The following PPP3CB variants were observed in gnomAD, a reference collection of about 807,000 sequenced individuals.
PPP3CB encodes protein phosphatase 3 catalytic subunit beta.
A neutral mutation model predicts 66.4 loss-of-function variants in PPP3CB; 8 were observed. That is an observed-to-expected ratio of 0.12 (90% CI 0.07 to 0.22). PPP3CB has a LOEUF of 0.22. PPP3CB is among the 10% of genes least tolerant of loss of function. PPP3CB has a pLI of 1.00. For synonymous variants in PPP3CB, 208 were observed against 221.2 expected, an observed-to-expected ratio of 0.94 and a Z score of 0.53; for missense variants, 319 against 642.5, an observed-to-expected ratio of 0.50 and a Z score of 5.44.
intron 8 of PPP3CB, 68 bp downstream of exon 8, chr10:73,470,619 A>C: frequency 1.0e-6 from 1 of 968,586 alleles, no homozygotes. Flanking sequence ...CCCCTTTTTT[A>C]TTATATTAAA....
At chr10:73,491,450 C>T (rs1336190553) in intron 1 of PPP3CB, among the ~76,000 whole-genome samples, 2 of 151,988 alleles carry the variant, frequency 1.3e-5, no homozygotes, top group Non-Finnish European at 2.9e-5. Flanking sequence ...CAGGCATGAA[C>T]CACTGCTGCG....
chr10:73,485,943 TG>T lies in PPP3CB; in HGVS notation c.86-6427del, dbSNP rs2056966685. 2.1e-5 allele frequency among the ~76,000 whole-genome samples: 3 copies of T among 142,366 alleles called. No homozygotes were observed. In the Admixed American group the frequency reaches 2.2e-4, roughly 10 times the overall value. The allele number at this position is 142,366 out of a possible 152,430, so 93.4% of individuals were successfully genotyped here. On this transcript the variant is annotated intron_variant, in intron 1 of 13. Transcript: ENST00000360663. ...GTGTGTGTGTGTGTGTGTGTGTGTG[TG>T]TGTGTGTATTTTTTTTTTTCAGATG...
At chr10:73,462,140 CTTTTTT>C (rs1019088638) in intron 9 of PPP3CB, among the ~76,000 whole-genome samples, 3,776 of 94,022 alleles carry the variant, frequency 0.04, 212 homozygotes, top group African/African-American at 0.13. Context: ...TAAACTCCTT[CTTTTTT>C]TTTTTTTTTT....
chr10:73,438,235 T>C lies in PPP3CB; in HGVS notation c.*7A>G, dbSNP rs370087202. ...CCGAGATGTGAGAGTCCCTGGGAAG[T>C]AGTGGGTCACTGGGCAGTATGGTTG... On this transcript the variant is annotated 3_prime_UTR_variant, in exon 14 of 14. Coordinates refer to ENST00000360663, the MANE Select transcript of PPP3CB (RefSeq NM_021132.4). The C allele has an allele frequency of 1.7e-5, 27 of 1,609,910 alleles. No individual in the cohort carries two copies. Among genetic ancestry groups the C allele is most frequent in the Middle Eastern group, 1.7e-4 (1 of 5,888 alleles).
At chr10:73,450,562 C>T (rs1046262082) in intron 10 of PPP3CB, among the ~76,000 whole-genome samples, 1 of 152,210 alleles carries the variant, frequency 6.6e-6, no homozygotes, top group African/African-American at 2.4e-5. Flanking sequence ...AGAGTCCCTA[C>T]TCCTAATACG....
rs964190761 is a variant in PPP3CB, at chr10:73,485,749, T to C, written c.86-6232A>G. On this transcript the variant is annotated intron_variant, in intron 1 of 13. Coordinates refer to ENST00000360663, the MANE Select transcript of PPP3CB (RefSeq NM_021132.4). ...AAACCCTACACACAATCTCTTTTTT[T>C]GTTGTTTTCTTGGCAGAGTCTCGCA... Among the ~76,000 whole-genome samples the C allele has an allele frequency of 4.6e-5, 7 of 152,272 alleles. No individual in the cohort carries two copies. In the East Asian group the frequency reaches 5.8e-4, roughly 13 times the overall value.
chr10:73,445,349 C>T (rs116939693), intron 11 of PPP3CB, among the ~76,000 whole-genome samples: 1,523 of 152,264 alleles, frequency 0.01, 18 homozygotes, highest in South Asian at 0.03. Context: ...TTATCACAAA[C>T]GGAAAAGAGA....
At chr10:73,480,440 A>ATTTTTTT (rs57553384) in intron 1 of PPP3CB, among the ~76,000 whole-genome samples, 1 of 123,916 alleles carries the variant, frequency 8.1e-6, no homozygotes, top group African/African-American at 3.1e-5. Context: ...TATCCCTGTA[A>ATTTTTTT]TTTTTTTTTT....
chr10:73,495,597 C>T, intron 1 of PPP3CB: 2 of 622,306 alleles, frequency 3.2e-6, no homozygotes, highest in Non-Finnish European at 4.7e-6. Context: ...ACCTCCGCCC[C>T]GGCCTGAAAG....
chr10:73,443,334 GAA>G (rs1332961784), intron 12 of PPP3CB, among the ~76,000 whole-genome samples: 1 of 120,100 alleles, frequency 8.3e-6, no homozygotes, highest in African/African-American at 2.9e-5. Context: ...GAAAGAAAAA[GAA>G]AGAGAAGAGA....
In PPP3CB at chr10:73,437,568, T is replaced by A. The variant is rs1246949037; in HGVS notation, c.*674A>T. ...TCTTCTTAAATCTCTGGGGTGTAAG[T>A]CTTAAAAGATCTGGGCAAAAAAGAC... On this transcript the variant is annotated 3_prime_UTR_variant, in exon 14 of 14. Transcript: ENST00000360663. 6.6e-6 allele frequency: 1 copy of A among 152,634 alleles called. No homozygotes were observed. Among genetic ancestry groups the A allele is most frequent in the Non-Finnish European group, 1.5e-5 (1 of 68,046 alleles). 9.5% of individuals were successfully genotyped at this position (152,634 alleles called of 1,614,324 possible).
At chr10:73,451,585 GGAA>G (rs2056344653) in intron 10 of PPP3CB, among the ~76,000 whole-genome samples, 3 of 147,982 alleles carry the variant, frequency 2.0e-5, no homozygotes, top group African/African-American at 8.0e-5. Flanking sequence ...GAAAGAGAAA[GGAA>G]GAAGGAAGGA....
At chr10:73,482,806 T>G (rs1375223027) in intron 1 of PPP3CB, among the ~76,000 whole-genome samples, 1 of 151,858 alleles carries the variant, frequency 6.6e-6, no homozygotes, top group Admixed American at 6.6e-5. Context: ...TTAGTAGAGA[T>G]AGGGTTTCAC....
At chr10:73,474,738 C>T (rs963555099) in intron 4 of PPP3CB, among the ~76,000 whole-genome samples, 181 bp downstream of exon 4, 1 of 152,118 alleles carries the variant, frequency 6.6e-6, no homozygotes, top group Non-Finnish European at 1.5e-5. Context: ...CCATGCCCCA[C>T]CAAAAACTTC....
At chr10:73,490,428 T>C (rs1002709430) in intron 1 of PPP3CB, among the ~76,000 whole-genome samples, 21 of 152,274 alleles carry the variant, frequency 1.4e-4, no homozygotes, top group African/African-American at 4.8e-4. Context: ...AGACATTTAA[T>C]AAATATTTGC....
chr10:73,493,674 A>G (rs2057114731), intron 1 of PPP3CB, among the ~76,000 whole-genome samples: 1 of 152,242 alleles, frequency 6.6e-6, no homozygotes, highest in African/African-American at 2.4e-5. Flanking sequence ...CAACTGGTTA[A>G]CAAATTCCAT....
chr10:73,487,943 G>A (rs1014407295), intron 1 of PPP3CB, among the ~76,000 whole-genome samples: 1 of 151,830 alleles, frequency 6.6e-6, no homozygotes, highest in African/African-American at 2.4e-5. Context: ...ATCACACCCG[G>A]CTAATTAGTA....
intron 10 of PPP3CB, 36 bp downstream of exon 10, chr10:73,454,376 C>T: frequency 3.3e-6 from 5 of 1,500,546 alleles, no homozygotes; most frequent in Admixed American, 1.8e-5. Context: ...TACCATTTCA[C>T]AGTAAAAAAA....
chr10:73,483,686 T>G (rs1385278358), intron 1 of PPP3CB, among the ~76,000 whole-genome samples: 1 of 151,988 alleles, frequency 6.6e-6, no homozygotes, highest in Non-Finnish European at 1.5e-5. Context: ...AAATAAATTT[T>G]AATTTATCAG....
Sources: allele counts gnomAD v4.1 joint callset (sites outside exome capture counted in the v4.1 genomes callset), GRCh38; gene constraint gnomAD v4.1.1; transcripts MANE v1.5; gene names NCBI Gene and HGNC (gene_info 2026-07-23, HGNC 2026-07-21).